The following ZNF316 variants were observed in gnomAD, a reference collection of about 807,000 sequenced individuals.
ZNF316 encodes the protein zinc finger protein 316.
A neutral mutation model predicts 75.6 loss-of-function variants in ZNF316; 23 were observed. The observed-to-expected ratio is 0.30, with a 90% CI of 0.22 to 0.43. The LOEUF is 0.43. ZNF316 is among the 20% of genes least tolerant of loss of function. ZNF316 has a pLI of 1.00. For missense variants in ZNF316, 1,266 were observed against 1,409.4 expected (o/e 0.90, Z 1.63); for synonymous variants, 827 against 666.2 (o/e 1.24, Z -3.72).
Position 6,654,145 on chromosome 7 carries a change from G to A in ZNF316, c.2549G>A (p.Arg850Gln). Residue 850 changes from arginine (R) to glutamine (Q), a missense_variant, in exon 9 of 9, where the codon CGG (arginine) becomes CAG (glutamine). Transcript: ENST00000382252. ...CACAGCTCGGACTTCAAGCGGCATC[G>A]GCGCACGCACACGGGCGAGAAGCCC... ...FGHSSDFKRHRRTHTGEKPFR... is the reference protein window; with the variant it reads ...FGHSSDFKRHQRTHTGEKPFR... The A allele has an allele frequency of 8.2e-7, 1 of 1,220,608 alleles. No homozygotes were observed. The highest frequency in any genetic ancestry group is 1.0e-6 in the Non-Finnish European group (1 of 980,134). The allele number at this position is 1,220,608 out of a possible 1,614,324, so 75.6% of individuals were successfully genotyped here.
At position 6,642,154 on chromosome 7, in the gene ZNF316, G is replaced by T. The variant is rs1278196100; in HGVS notation, c.-29+192G>T. ...AGGAGCTGAGACTGGCATCCCAGGGGTCACGCGGAGGGGCCATTGGGGCAG... is the reference window on the plus strand; with the variant it reads ...AGGAGCTGAGACTGGCATCCCAGGGTTCACGCGGAGGGGCCATTGGGGCAG... On this transcript the variant is annotated intron_variant, in intron 4 of 8. Coordinates refer to ENST00000382252, the MANE Select transcript of ZNF316 (RefSeq NM_001278559.2). The surrounding 1 kb of genome is among the most constrained non-coding windows in gnomAD (Gnocchi z 8.1). 2 of 368,208 alleles carry T rather than the reference G, an allele frequency of 5.4e-6. No individual in the cohort carries two copies. The highest frequency in any genetic ancestry group is 9.7e-6 in the Non-Finnish European group (2 of 206,540). The allele number at this position is 368,208 out of a possible 1,614,324, so 22.8% of individuals were successfully genotyped here.
chr7:6,646,394 T>TGGTC (rs1350021573), intron 8 of ZNF316, among the ~76,000 whole-genome samples: 2 of 152,196 alleles, frequency 1.3e-5, no homozygotes, highest in Admixed American at 1.3e-4. Context: ...CCTCAGCGTG[T>TGGTC]GGTCTACTTG....
intron 6 of ZNF316, 117 bp from the exon 7 acceptor site, chr7:6,643,705 C>T (rs1051936203): frequency 8.2e-5 from 79 of 957,948 alleles, no homozygotes; most frequent in Non-Finnish European, 1.1e-4. Context: ...GCCCTCAGTG[C>T]CATCTGGGCA....
intron 8 of ZNF316, among the ~76,000 whole-genome samples, chr7:6,645,644 A>G (rs2115311807): frequency 6.7e-6 from 1 of 150,260 alleles, no homozygotes; most frequent in Middle Eastern, 3.5e-3. Flanking sequence ...AGGTTGTACC[A>G]CTGCACTCCG....
At chr7:6,652,007 C>T (rs1395309860) in intron 8 of ZNF316, among the ~76,000 whole-genome samples, 3 of 152,134 alleles carry the variant, frequency 2.0e-5, no homozygotes, top group African/African-American at 2.4e-5. Flanking sequence ...AGGGAGCCGG[C>T]GGTCTGGAAG....
chr7:6,644,341 C>T, intron 7 of ZNF316, 139 bp from the exon 8 acceptor site: 1 of 432,894 alleles, frequency 2.3e-6, no homozygotes, highest in Non-Finnish European at 3.9e-6. Context: ...ACCGCCTGGA[C>T]CCTCCAGAGC....
rs1347031230 is a variant in ZNF316 at position 6,656,660 on chromosome 7, G to C, written c.*2049G>C. Among the ~76,000 whole-genome samples the C allele has an allele frequency of 6.6e-6, 1 of 152,218 alleles. No individual in the cohort carries two copies. Among genetic ancestry groups the C allele is most frequent in the Non-Finnish European group, 1.5e-5 (1 of 68,032 alleles). ...GTGGCCCCCACGCTGCCCCACACTT[G>C]ATGTAGTGTAAACACCTGACTTGGG... On this transcript the variant is annotated 3_prime_UTR_variant, in exon 9 of 9. Transcript: ENST00000382252.
rs998234032 is a variant in ZNF316 at position 6,640,573 on chromosome 7, C to G, written c.-166-1252C>G. 3.3e-5 allele frequency among the ~76,000 whole-genome samples: 5 copies of G among 152,224 alleles called. No individual in the cohort carries two copies. Among genetic ancestry groups the G allele is most frequent in the Non-Finnish European group, 5.9e-5 (4 of 68,028 alleles). ...ATGATCCAGTCACCTCCCACCAGGC[C>G]CCGCCTCCAGCATTGGGGATTACGG... is the stretch of plus-strand genomic sequence containing the variant. On this transcript the variant is annotated intron_variant, in intron 3 of 8. Transcript: ENST00000382252. The surrounding 1 kb of genome is among the most constrained non-coding windows in gnomAD (Gnocchi z 5.1).
rs1301201628 is a variant in ZNF316 at position 6,652,206 on chromosome 7, C to T, written c.707-97C>T. The T allele has an allele frequency of 1.1e-5, 13 of 1,137,394 alleles. No homozygotes were observed. In the East Asian group the frequency reaches 2.9e-4, roughly 25 times the overall value. The allele number at this position is 1,137,394 out of a possible 1,614,324, so 70.5% of individuals were successfully genotyped here. On this transcript the variant is annotated intron_variant, in intron 8 of 8. Coordinates refer to ENST00000382252, the MANE Select transcript of ZNF316 (RefSeq NM_001278559.2). Reference sequence around the variant, plus strand: ...GACTGAAGGAAGGTCCTGCTGGTGGCGTCTCGGAAGCCCTGATTTCTCGGG... The same window carrying T: ...GACTGAAGGAAGGTCCTGCTGGTGGTGTCTCGGAAGCCCTGATTTCTCGGG...
At position 6,653,225 on chromosome 7, in the gene ZNF316, C is replaced by T. The variant is rs1242094991; in HGVS notation, c.1629C>T (p.Gly543=). 3 of 1,223,982 alleles carry T rather than the reference C, an allele frequency of 2.5e-6. No individual in the cohort carries two copies. The highest frequency in any genetic ancestry group is 4.3e-5 in the Admixed American group (1 of 23,394). The allele number at this position is 1,223,982 out of a possible 1,614,324, so 75.8% of individuals were successfully genotyped here. ...CTGGGCCAGAGGGATCTGAAGTTGG[C>T]GAGGCGGACGGAGAGGCGGAGGCCG... ...TDPGPEGSEV[G]EADGEAEAAA... Residue 543 remains glycine, a synonymous_variant, in exon 9 of 9, where the codon GGC becomes GGT. Coordinates refer to ENST00000382252, the MANE Select transcript of ZNF316 (RefSeq NM_001278559.2).
In ZNF316 at chr7:6,651,756, C is replaced by T. The variant is rs1046451644; in HGVS notation, c.707-547C>T. Reference sequence around the variant, plus strand: ...CCAGCCTGGGTGACAGAGTGAGACTCTTGTCTCAAAACAAAAACAAAAAGC... The same window carrying T: ...CCAGCCTGGGTGACAGAGTGAGACTTTTGTCTCAAAACAAAAACAAAAAGC... On this transcript the variant is annotated intron_variant, in intron 8 of 8. Coordinates refer to ENST00000382252, the MANE Select transcript of ZNF316 (RefSeq NM_001278559.2). Among the ~76,000 whole-genome samples the T allele has an allele frequency of 2.6e-5, 4 of 152,176 alleles. No individual in the cohort carries two copies. The East Asian group carries it at 7.7e-4, about 29-fold the overall frequency.
chr7:6,644,865 C>A (rs1779371937), intron 8 of ZNF316, among the ~76,000 whole-genome samples: 1 of 152,224 alleles, frequency 6.6e-6, no homozygotes, highest in Non-Finnish European at 1.5e-5. Context: ...GAGGGGCCAG[C>A]TGTCAGGTGG....
Position 6,653,586 on chromosome 7 carries a change from G to A in ZNF316, c.1990G>A (p.Gly664Ser), listed in dbSNP as rs1163616006. The change falls in exon 9 of 9, where the codon GGC becomes AGC. Residue 664 changes from glycine to serine, a missense_variant. Gly to Ser is a moderately conservative substitution (Grantham distance 56, BLOSUM62 0). Coordinates refer to ENST00000382252, the MANE Select transcript of ZNF316 (RefSeq NM_001278559.2). Reference protein sequence around the residue: ...GGGGAAGGGGGLRAFGPAIGG... With the variant: ...GGGGAAGGGGSLRAFGPAIGG... ...CGGCGGGGCCGCGGGCGGCGGAGGCGGCCTGCGCGCGTTCGGGCCCGCCAT... is the reference window on the plus strand; with the variant it reads ...CGGCGGGGCCGCGGGCGGCGGAGGCAGCCTGCGCGCGTTCGGGCCCGCCAT... 2 of 1,077,292 alleles carry A rather than the reference G, an allele frequency of 1.9e-6. No homozygotes were observed. The highest frequency in any genetic ancestry group is 2.3e-6 in the Non-Finnish European group (2 of 888,226). 66.7% of individuals were successfully genotyped at this position (1,077,292 alleles called of 1,614,324 possible).
rs890508058 is a variant in ZNF316 at position 6,652,508 on chromosome 7, G to A, written c.912G>A (p.Leu304=). Residue 304 remains leucine, a synonymous_variant, in exon 9 of 9, where the codon CTG becomes CTA. Transcript: ENST00000382252. ...GGTGGGGACCCGACCCAGGCGGCCT[G>A]GGGGTCCTGGCCGACGGCTCTGAAG... ...PEGWGPDPGG[L]GVLADGSEAK... The A allele has an allele frequency of 1.8e-5, 22 of 1,231,202 alleles. No homozygotes were observed. The highest frequency in any genetic ancestry group is 4.2e-5 in the Admixed American group (1 of 23,680). 76.3% of individuals were successfully genotyped at this position (1,231,202 alleles called of 1,614,324 possible). A position where few individuals can be genotyped will look rare whatever the true frequency, so the allele number is the denominator to read the frequency against.
At chr7:6,650,056 T>A (rs574422031) in intron 8 of ZNF316, among the ~76,000 whole-genome samples, 130 of 152,314 alleles carry the variant, frequency 8.5e-4, no homozygotes, top group African/African-American at 3.0e-3. Context: ...GAGGTACCGA[T>A]GCACCCCGCT....
rs1368471516 is a variant in ZNF316 at position 6,655,772 on chromosome 7, G to A, written c.*1161G>A. 7.2e-6 allele frequency: 1 copy of A among 139,026 alleles called. No homozygotes were observed. The highest frequency in any genetic ancestry group is 1.5e-5 in the Non-Finnish European group (1 of 65,858). The allele number at this position is 139,026 out of a possible 1,614,324, so 8.6% of individuals were successfully genotyped here. A position where few individuals can be genotyped will look rare whatever the true frequency, so the allele number is the denominator to read the frequency against. On this transcript the variant is annotated 3_prime_UTR_variant, in exon 9 of 9. Transcript: ENST00000382252. ...CCCGTGGCCTGGCAGCTTGCACAGT[G>A]GCTGTCCACCTCGGGGGGGTGTGGA... is the stretch of plus-strand genomic sequence containing the variant.
chr7:6,644,463 G>A lies in ZNF316; in HGVS notation c.593-17G>A, dbSNP rs142774176. On this transcript the variant is annotated splice_polypyrimidine_tract_variant and intron_variant, in intron 7 of 8. Transcript: ENST00000382252. Reference sequence around the variant, plus strand: ...CCCACGGGAGCCGCCTGCAGCCGCCGTCTGTTCTCCTGGCAGGATACCCAA... The same window carrying A: ...CCCACGGGAGCCGCCTGCAGCCGCCATCTGTTCTCCTGGCAGGATACCCAA... The A allele has an allele frequency of 1.1e-3, 1,400 of 1,228,322 alleles. 9 individuals carry two copies. The African/African-American group carries it at 0.017, about 15-fold the overall frequency. The allele number at this position is 1,228,322 out of a possible 1,614,324, so 76.1% of individuals were successfully genotyped here.
Position 6,644,559 on chromosome 7 carries a change from T to A in ZNF316, c.672T>A (p.Pro224=). The part of the protein sequence containing the change: ...EEPWVPDSPR[P]EEGDIVTGVY... ...CTTGGGTCCCAGATAGTCCCCGACC[T>A]GAGGAAGGAGACATCGTCACTGGCG... is the stretch of plus-strand genomic sequence containing the variant. The change falls in exon 8 of 9, where the codon CCT becomes CCA. Residue 224 remains proline (P), a synonymous_variant. Transcript: ENST00000382252. 8.1e-7 allele frequency: 1 copy of A among 1,232,370 alleles called. No homozygotes were observed. The highest frequency in any genetic ancestry group is 1.0e-6 in the Non-Finnish European group (1 of 988,032). 76.3% of individuals were successfully genotyped at this position (1,232,370 alleles called of 1,614,324 possible). A position where few individuals can be genotyped will look rare whatever the true frequency, so the allele number is the denominator to read the frequency against.
chr7:6,644,000 AG>A (rs762380076), intron 7 of ZNF316, 52 bp downstream of exon 7: 67 of 1,231,006 alleles, frequency 5.4e-5, no homozygotes, highest in Non-Finnish European at 6.5e-5. Flanking sequence ...GATGGCTGCC[AG>A]GGTCTTAGCT....
Sources: allele counts gnomAD v4.1 joint callset (sites outside exome capture counted in the v4.1 genomes callset), GRCh38; gene constraint gnomAD v4.1.1; non-coding constraint Gnocchi (gnomAD v3.1); transcripts MANE v1.5; gene names NCBI Gene and HGNC (gene_info 2026-07-23, HGNC 2026-07-21).